ANK2: variants seen among roughly 807,000 people sequenced by gnomAD.
ANK2 encodes ankyrin 2.
ANK2 carries 83 observed loss-of-function variants against 360.5 expected under a neutral mutation model. The ratio of observed to expected loss-of-function variants is 0.23; its 90% confidence interval spans 0.19 to 0.28. ANK2 has a LOEUF of 0.28. Ranked by LOEUF, ANK2 falls within the 10% of genes least tolerant of loss-of-function variation. The pLI, the probability that ANK2 is intolerant of heterozygous loss-of-function variation, is 1.00. For missense variants in ANK2, 4,201 were observed against 4,795.7 expected (o/e 0.88, Z 3.66); for synonymous variants, 1,740 against 1,759.5 (o/e 0.99, Z 0.28).
chr4:113,332,914 G>T lies in ANK2; in HGVS notation c.3225-140G>T, dbSNP rs2092796178. ...CTACTGTGTGACCATCTGCTAGCCA[G>T]TGGGCTCCAGGGGATGGCCCACTAT... On this transcript the variant is annotated intron_variant, in intron 28 of 45. Coordinates refer to ENST00000357077, the MANE Select transcript of ANK2 (RefSeq NM_001148.6). 7.3e-6 allele frequency: 9 copies of T among 1,233,164 alleles called. No individual in the cohort carries two copies. In the South Asian group the frequency reaches 1.1e-4, roughly 15 times the overall value. The allele number at this position is 1,233,164 out of a possible 1,614,324, so 76.4% of individuals were successfully genotyped here. A position where few individuals can be genotyped will look rare whatever the true frequency, so the allele number is the denominator to read the frequency against.
intron 21 of ANK2, among the ~76,000 whole-genome samples, chr4:113,292,759 G>T (rs892781440): frequency 2.6e-5 from 4 of 152,084 alleles, no homozygotes; most frequent in African/African-American, 9.7e-5. Context: ...GGGGCCCTCC[G>T]CTTGGGCTGC....
intron 1 of ANK2, among the ~76,000 whole-genome samples, chr4:112,832,861 G>A (rs1319866508): frequency 8.5e-5 from 13 of 152,152 alleles, no homozygotes; most frequent in Admixed American, 8.5e-4. Flanking sequence ...CTAAATTGTT[G>A]TAAAGAGACA....
At chr4:112,731,370 A>G in the ANK2 span, among the ~76,000 whole-genome samples, 6 of 152,054 alleles carry the variant, frequency 3.9e-5, no homozygotes, top group Non-Finnish European at 7.4e-5. Flanking sequence ...ATTTCACAGT[A>G]TACACATATA....
At chr4:112,907,495 C>T (rs2085642065) in intron 2 of ANK2, among the ~76,000 whole-genome samples, 1 of 152,188 alleles carries the variant, frequency 6.6e-6, no homozygotes, top group Non-Finnish European at 1.5e-5. Flanking sequence ...CCTCTTCTTT[C>T]CCCTCCTCCT....
intron 5 of ANK2, among the ~76,000 whole-genome samples, chr4:113,233,094 C>T (rs1156671032): frequency 2.9e-5 from 3 of 102,696 alleles, no homozygotes; most frequent in Admixed American, 1.2e-4. Flanking sequence ...AGTATATGGG[C>T]TTGGCTTTTC....
chr4:113,211,659 G>A (rs1050497154), intron 4 of ANK2, among the ~76,000 whole-genome samples: 2 of 152,120 alleles, frequency 1.3e-5, no homozygotes, highest in Admixed American at 1.3e-4. Context: ...TCACTTCAGT[G>A]TATAACTGGA....
intron 4 of ANK2, among the ~76,000 whole-genome samples, chr4:113,207,919 C>T (rs11936521): frequency 6.6e-6 from 1 of 151,826 alleles, no homozygotes; most frequent in Non-Finnish European, 1.5e-5. Flanking sequence ...AGTGTTAATG[C>T]GCACATCAGC....
intron 2 of ANK2, among the ~76,000 whole-genome samples, chr4:113,016,381 A>C (rs945505640): frequency 2.0e-5 from 3 of 152,150 alleles, no homozygotes; most frequent in Non-Finnish European, 1.5e-5. Context: ...TCTGCTTGGC[A>C]GTTTGTGCCT....
chr4:113,044,808 C>T (rs2063862563), upstream of ANK2, among the ~76,000 whole-genome samples: 1 of 152,124 alleles, frequency 6.6e-6, no homozygotes, highest in Non-Finnish European at 1.5e-5. Context: ...GGTTAGCCCA[C>T]CCTAGTTCAT....
intron 1 of ANK2, among the ~76,000 whole-genome samples, chr4:112,848,206 C>T (rs2063771346): frequency 6.6e-6 from 1 of 152,158 alleles, no homozygotes; most frequent in South Asian, 2.1e-4. Context: ...GGTCACTCCA[C>T]CTCCACCTCC....
intron 2 of ANK2, among the ~76,000 whole-genome samples, chr4:113,176,066 G>C (rs1324751633): frequency 6.6e-6 from 1 of 152,176 alleles, no homozygotes; most frequent in African/African-American, 2.4e-5. Context: ...TAGCTACAAA[G>C]CAGGCCTGTA....
chr4:113,240,609 C>G, intron 8 of ANK2, 26 bp downstream of exon 8: 2 of 1,549,354 alleles, frequency 1.3e-6, no homozygotes, highest in Non-Finnish European at 1.8e-6. Flanking sequence ...GTTTCTCATT[C>G]TAGATAGCAG....
chr4:112,741,394 G>A, the ANK2 span, among the ~76,000 whole-genome samples: 2 of 151,980 alleles, frequency 1.3e-5, no homozygotes, highest in African/African-American at 2.4e-5. Flanking sequence ...CTCCCTTTTC[G>A]TTGCATAGCC....
chr4:112,808,855 CTATT>C, the ANK2 span, among the ~76,000 whole-genome samples: 1 of 151,992 alleles, frequency 6.6e-6, no homozygotes, highest in African/African-American at 2.4e-5. Flanking sequence ...GACATACAGA[CTATT>C]TATTTATTTA....
rs1424829699 is a variant in ANK2 at position 113,362,979 on chromosome 4, T to C, written c.10757-359T>C. Reference sequence around the variant, plus strand: ...TAATTAAAGGGAGAAACTTTTTTTCTTTTGTTATCAGTCATTTATTTTCCA... The same window carrying C: ...TAATTAAAGGGAGAAACTTTTTTTCCTTTGTTATCAGTCATTTATTTTCCA... On this transcript the variant is annotated intron_variant, in intron 39 of 45. Transcript: ENST00000357077. Among the ~76,000 whole-genome samples the C allele has an allele frequency of 2.0e-5, 3 of 152,208 alleles. No homozygotes were observed. In the East Asian group the frequency reaches 5.8e-4, roughly 29 times the overall value.
intron 1 of ANK2, among the ~76,000 whole-genome samples, chr4:112,854,106 G>A (rs1430891639): frequency 4.6e-5 from 7 of 152,200 alleles, no homozygotes; most frequent in Non-Finnish European, 8.8e-5. Flanking sequence ...GAGGAATGGG[G>A]ACCCAAGGGA....
Position 113,336,642 on chromosome 4 carries a change from A to G in ANK2, c.3657A>G (p.Ile1219Met). The change falls in exon 31 of 46, where the codon ATA (isoleucine) becomes ATG (methionine). Residue 1219 changes from isoleucine to methionine, a missense_variant. Transcript: ENST00000357077. ...GCAACAAAGCTACCTTCAGCCCTATAGTCACTTTGGAACCTAGAAGAAGAA... is the reference window on the plus strand; with the variant it reads ...GCAACAAAGCTACCTTCAGCCCTATGGTCACTTTGGAACCTAGAAGAAGAA... ...ILGNKATFSP[I>M]VTLEPRRRKF... 1 of 1,614,180 alleles carries G rather than the reference A, an allele frequency of 6.2e-7. No homozygotes were observed.
At position 113,354,664 on chromosome 4, in the gene ANK2, G is replaced by A; in HGVS notation, c.6046G>A (p.Ala2016Thr). The change falls in exon 38 of 46, where the codon GCA becomes ACA. Residue 2016 changes from alanine to threonine, a missense_variant. Ala to Thr is a moderately conservative substitution (Grantham distance 58, BLOSUM62 0). Around this residue, in one of 4 missense-constraint regions of ANK2, gnomAD observed 2,642 missense variants for 2,714.5 expected, o/e 0.97. Transcript: ENST00000357077. ...AACTGGACTCTTTGAGCACAAATCA[G>A]CAAAACAAAAGCAGCCACAAGAGAA... ...HKTGLFEHKSAKQKQPQEKGK... is the reference protein window; with the variant it reads ...HKTGLFEHKSTKQKQPQEKGK... 1 of 1,614,018 alleles carries A rather than the reference G, an allele frequency of 6.2e-7. No individual in the cohort carries two copies. Among genetic ancestry groups the A allele is most frequent in the Non-Finnish European group, 8.5e-7 (1 of 1,179,982 alleles).
At chr4:112,944,563 C>T (rs1241524338) in intron 2 of ANK2, among the ~76,000 whole-genome samples, 2 of 152,160 alleles carry the variant, frequency 1.3e-5, no homozygotes, top group Non-Finnish European at 2.9e-5. Context: ...TCTTTTATGT[C>T]CATATTCTCC....
Sources: allele counts gnomAD v4.1 joint callset (sites outside exome capture counted in the v4.1 genomes callset), GRCh38; gene constraint gnomAD v4.1.1; regional missense constraint gnomAD v4.1.1; transcripts MANE v1.5; gene names NCBI Gene and HGNC (gene_info 2026-07-23, HGNC 2026-07-21).